Variants in BRD10 observed in about 807,000 individuals in gnomAD.
The protein encoded by BRD10 is uncharacterized bromodomain-containing protein 10.
chr9:5,951,910 T>G, the BRD10 span, among the ~76,000 whole-genome samples: 1 of 152,152 alleles, frequency 6.6e-6, no homozygotes, highest in African/African-American at 2.4e-5. Flanking sequence ...ACTGTTTTCA[T>G]GAGACTATTA....
chr9:5,945,821 T>G, the BRD10 span, among the ~76,000 whole-genome samples: 1 of 152,056 alleles, frequency 6.6e-6, no homozygotes, highest in African/African-American at 2.4e-5. Context: ...ACTAGATTTC[T>G]GAAACAAAAC....
the BRD10 span, among the ~76,000 whole-genome samples, chr9:5,915,855 C>G: frequency 3.3e-5 from 5 of 152,184 alleles, no homozygotes; most frequent in Non-Finnish European, 7.3e-5. Flanking sequence ...ATTTACAACT[C>G]TGGTAGATGC....
At chr9:6,006,218 A>G in the BRD10 span, among the ~76,000 whole-genome samples, 3 of 152,178 alleles carry the variant, frequency 2.0e-5, no homozygotes, top group Non-Finnish European at 4.4e-5. Context: ...ACATTTATTA[A>G]CTCATTAAAT....
At chr9:5,980,024 A>G in the BRD10 span, among the ~76,000 whole-genome samples, 1 of 151,744 alleles carries the variant, frequency 6.6e-6, no homozygotes, top group Non-Finnish European at 1.5e-5. Context: ...CAAAAAAAAA[A>G]AAAAGAAAAA....
At chr9:5,916,572 T>TACAACATATATA in the BRD10 span, among the ~76,000 whole-genome samples, 499 of 150,036 alleles carry the variant, frequency 3.3e-3, 3 homozygotes, top group Non-Finnish European at 5.8e-3. Flanking sequence ...AAAACATATA[T>TACAACATATATA]AAAACATATA....
At chr9:5,982,123 T>C in the BRD10 span, among the ~76,000 whole-genome samples, 1 of 152,186 alleles carries the variant, frequency 6.6e-6, no homozygotes, top group East Asian at 1.9e-4. Flanking sequence ...GAATGTTATA[T>C]ATTATCTACA....
chr9:5,995,796 A>C, the BRD10 span, among the ~76,000 whole-genome samples: 3 of 152,182 alleles, frequency 2.0e-5, no homozygotes, highest in Non-Finnish European at 4.4e-5. Flanking sequence ...ATATTCATTC[A>C]TATTATTCAA....
the BRD10 span, among the ~76,000 whole-genome samples, chr9:5,981,476 C>A: frequency 6.6e-6 from 1 of 152,200 alleles, no homozygotes; most frequent in Admixed American, 6.5e-5. Context: ...CTGATACCAA[C>A]ACTGACAGAT....
At chr9:5,894,182 C>T in the BRD10 span, among the ~76,000 whole-genome samples, 3 of 152,136 alleles carry the variant, frequency 2.0e-5, no homozygotes, top group East Asian at 3.9e-4. This position sits in a 1 kb window ranked among gnomAD's most constrained non-coding sequence, Gnocchi z 4.0. Context: ...CTCAGTAGGC[C>T]GAAAGTGGAG....
At chr9:6,007,812 G>A in the BRD10 span, 1,695 of 1,445,972 alleles carry the variant, frequency 1.2e-3, no homozygotes, top group Middle Eastern at 1.6e-3. Context: ...AGGCTGGGCG[G>A]TGTGGAACAG....
At chr9:5,932,556 G>C in the BRD10 span, among the ~76,000 whole-genome samples, 8 of 152,098 alleles carry the variant, frequency 5.3e-5, no homozygotes, top group South Asian at 2.1e-4. Flanking sequence ...GTAATACAGA[G>C]ATGATTTAAA....
At chr9:5,970,904 T>A in the BRD10 span, among the ~76,000 whole-genome samples, 1 of 151,606 alleles carries the variant, frequency 6.6e-6, no homozygotes, top group African/African-American at 2.4e-5. Flanking sequence ...ACACAAAAAT[T>A]AGCTGGGCAT....
At chr9:5,922,275 T>C in the BRD10 span, 1 of 1,613,908 alleles carries the variant, frequency 6.2e-7, no homozygotes, top group Non-Finnish European at 8.5e-7. Flanking sequence ...CCATTTAGTG[T>C]TGTTGTTGAT....
At chr9:5,986,812 T>C in the BRD10 span, among the ~76,000 whole-genome samples, 6 of 152,238 alleles carry the variant, frequency 3.9e-5, no homozygotes, top group Non-Finnish European at 5.9e-5. Flanking sequence ...GATTGATTCA[T>C]ATTCATAGTT....
chr9:5,963,722 A>G, the BRD10 span, among the ~76,000 whole-genome samples: 1 of 152,172 alleles, frequency 6.6e-6, no homozygotes, highest in Non-Finnish European at 1.5e-5. Flanking sequence ...GATCCATGGA[A>G]CAGAACAGAG....
At chr9:5,979,919 G>A in the BRD10 span, among the ~76,000 whole-genome samples, 1 of 151,180 alleles carries the variant, frequency 6.6e-6, no homozygotes, top group African/African-American at 2.4e-5. Flanking sequence ...GGAGGCTGAG[G>A]TGGGAGAATC....
At chr9:6,007,067 G>A in the BRD10 span, 2 of 924,686 alleles carry the variant, frequency 2.2e-6, no homozygotes, top group East Asian at 2.6e-5. Flanking sequence ...CTCCTCCCGG[G>A]CTTCTCCAGC....
At chr9:5,885,017 C>A in the BRD10 span, among the ~76,000 whole-genome samples, 1 of 152,220 alleles carries the variant, frequency 6.6e-6, no homozygotes, top group Non-Finnish European at 1.5e-5. Flanking sequence ...CAGGCCACAG[C>A]TCTTGCTCTC....
chr9:5,990,743 G>A, the BRD10 span, among the ~76,000 whole-genome samples: 1 of 152,136 alleles, frequency 6.6e-6, no homozygotes, highest in African/African-American at 2.4e-5. Context: ...ACTCAGGGTT[G>A]GAAAGGATGT....
Sources: allele counts gnomAD v4.1 joint callset (sites outside exome capture counted in the v4.1 genomes callset), GRCh38; gene constraint gnomAD v4.1.1; non-coding constraint Gnocchi (gnomAD v3.1); transcripts MANE v1.5; gene names NCBI Gene and HGNC (gene_info 2026-07-23, HGNC 2026-07-21).